The following SPECC1L variants were observed in gnomAD, a reference collection of about 807,000 sequenced individuals.
SPECC1L encodes cytospin-A.
SPECC1L carries 40 observed loss-of-function variants against 116.8 expected under a neutral mutation model. That is an observed-to-expected ratio of 0.34 (90% CI 0.27 to 0.45). SPECC1L has a LOEUF of 0.45. Ranked by LOEUF, SPECC1L falls within the 20% of genes least tolerant of loss-of-function variation. The pLI is 1.00. For missense variants in SPECC1L, 1,110 were observed against 1,373.6 expected, an observed-to-expected ratio of 0.81 and a Z score of 3.03; for synonymous variants, 504 against 500.6, an observed-to-expected ratio of 1.01 and a Z score of -0.09.
chr22:24,292,139 AG>A (rs2049167160), intron 2 of SPECC1L, among the ~76,000 whole-genome samples: 1 of 152,194 alleles, frequency 6.6e-6, no homozygotes, highest in African/African-American at 2.4e-5. Flanking sequence ...GGTGCTTCTC[AG>A]CCAGGGAACG....
chr22:24,317,330 C>T (rs2040604350), intron 4 of SPECC1L, among the ~76,000 whole-genome samples: 1 of 122,264 alleles, frequency 8.2e-6, no homozygotes, highest in Admixed American at 8.3e-5. Context: ...CCCCACCTCC[C>T]TCCCGGACGG....
At chr22:24,315,117 T>C (rs2040535417) in intron 4 of SPECC1L, among the ~76,000 whole-genome samples, 1 of 152,244 alleles carries the variant, frequency 6.6e-6, no homozygotes, top group Non-Finnish European at 1.5e-5. Flanking sequence ...TCAGATCCTT[T>C]TCTGTCATCG....
In SPECC1L at chr22:24,307,077, C is replaced by T. The variant is rs1313759091; in HGVS notation, c.153+4693C>T. Among the ~76,000 whole-genome samples, 3 of 152,146 alleles carry T rather than the reference C, an allele frequency of 2.0e-5. No homozygotes were observed. In the East Asian group the frequency reaches 5.8e-4, roughly 29 times the overall value. ...TCAGTGAACACTTGGGTTGCTTCCA[C>T]CTTTTGGCTACTGTGGATAGTGCTG... On this transcript the variant is annotated intron_variant, in intron 3 of 16. Transcript: ENST00000314328.
At chr22:24,327,939 A>G (rs1398868777) in intron 6 of SPECC1L, among the ~76,000 whole-genome samples, 1 of 152,212 alleles carries the variant, frequency 6.6e-6, no homozygotes, top group Non-Finnish European at 1.5e-5. Flanking sequence ...GCTGTAGGTA[A>G]ATCAGGGTAA....
intron 11 of SPECC1L, among the ~76,000 whole-genome samples, chr22:24,352,660 G>T (rs1055638635): frequency 6.6e-6 from 1 of 152,128 alleles, no homozygotes; most frequent in African/African-American, 2.4e-5. Flanking sequence ...ATCAGATTCT[G>T]CCTCAGCTTT....
chr22:24,291,287 T>C (rs528899104), intron 2 of SPECC1L, among the ~76,000 whole-genome samples: 1 of 152,364 alleles, frequency 6.6e-6, no homozygotes, highest in African/African-American at 2.4e-5. Context: ...TTCTGAAAGC[T>C]ACTAATCCAC....
intron 14 of SPECC1L, among the ~76,000 whole-genome samples, chr22:24,389,571 C>T (rs1034909656): frequency 9.2e-5 from 14 of 151,552 alleles, no homozygotes; most frequent in Middle Eastern, 3.4e-3. Flanking sequence ...CTACTGCAGC[C>T]AGAAGTTTCC....
rs1259524860 is a variant in SPECC1L at position 24,365,538 on chromosome 22, G to A, written c.2890G>A (p.Ala964Thr). Residue 964 changes from alanine to threonine, a missense_variant, in exon 13 of 17, where the codon GCC becomes ACC. Physicochemically the swap from Ala to Thr is moderately conservative, Grantham distance 58. Coordinates refer to ENST00000314328, the MANE Select transcript of SPECC1L (RefSeq NM_015330.6). ...TTCTGCACAGGAGGGAGCGTCGCCA[G>A]CCTCTCTGATGGCTATGGGAACCAC... ...DISAQEGASP[A>T]SLMAMGTTSP... 1 of 1,614,002 alleles carries A rather than the reference G, an allele frequency of 6.2e-7. No individual in the cohort carries two copies. Among genetic ancestry groups the A allele is most frequent in the African/African-American group, 1.3e-5 (1 of 74,902 alleles).
chr22:24,305,013 C>G (rs2049462673), intron 3 of SPECC1L, among the ~76,000 whole-genome samples: 1 of 152,160 alleles, frequency 6.6e-6, no homozygotes, highest in South Asian at 2.1e-4. Context: ...TTTAGACTTA[C>G]TGATGGGGGG....
chr22:24,363,598 G>A (rs559053424), intron 12 of SPECC1L, among the ~76,000 whole-genome samples: 1 of 152,264 alleles, frequency 6.6e-6, no homozygotes, highest in East Asian at 1.9e-4. Flanking sequence ...TTTTCTGTGT[G>A]TGTGTTCTTC....
At chr22:24,272,756 ATTG>A (rs1422816662) in intron 1 of SPECC1L, among the ~76,000 whole-genome samples, 4 of 152,066 alleles carry the variant, frequency 2.6e-5, no homozygotes, top group Non-Finnish European at 2.9e-5. Flanking sequence ...AAGGAGAAGT[ATTG>A]TTGTGGGTAA....
chr22:24,372,851 G>A (rs545782105), intron 14 of SPECC1L, among the ~76,000 whole-genome samples: 33 of 152,332 alleles, frequency 2.2e-4, no homozygotes, highest in Non-Finnish European at 4.1e-4. Flanking sequence ...GTTTGCAGAT[G>A]ACATGATTAT....
chr22:24,395,070 T>G (rs1279720298), intron 14 of SPECC1L, among the ~76,000 whole-genome samples: 1 of 152,168 alleles, frequency 6.6e-6, no homozygotes, highest in Non-Finnish European at 1.5e-5. Context: ...TCAAGTGATC[T>G]GCCTGCCTCA....
chr22:24,289,206 G>T (rs1325173436), intron 2 of SPECC1L, among the ~76,000 whole-genome samples: 2 of 152,220 alleles, frequency 1.3e-5, no homozygotes, highest in Non-Finnish European at 2.9e-5. Context: ...GGCTAAGGAG[G>T]TAGTGGCCAG....
chr22:24,389,972 AT>A lies in SPECC1L; in HGVS notation c.3087+20654del, dbSNP rs376286544. Reference sequence around the variant, plus strand: ...AAGGTGACTTTCCTAACCTAAAGAGATTGGGCCCAAAAGCACAAGTTTCTTC... The same window carrying A: ...AAGGTGACTTTCCTAACCTAAAGAGATGGGCCCAAAAGCACAAGTTTCTTC... On this transcript the variant is annotated intron_variant, in intron 14 of 16. Coordinates refer to ENST00000314328, the MANE Select transcript of SPECC1L (RefSeq NM_015330.6). 2.2e-4 allele frequency among the ~76,000 whole-genome samples: 33 copies of A among 152,076 alleles called. No individual in the cohort carries two copies. The East Asian group carries it at 6.4e-3, about 29-fold the overall frequency.
At chr22:24,290,259 T>C (rs972141392) in intron 2 of SPECC1L, among the ~76,000 whole-genome samples, 32 of 152,202 alleles carry the variant, frequency 2.1e-4, no homozygotes, top group African/African-American at 7.7e-4. Flanking sequence ...GCCATGAGGC[T>C]GTTTAAGGGG....
intron 14 of SPECC1L, among the ~76,000 whole-genome samples, chr22:24,382,807 GC>G (rs2042087226): frequency 6.6e-6 from 1 of 151,510 alleles, no homozygotes; most frequent in African/African-American, 2.4e-5. Flanking sequence ...GATTGCTTGA[GC>G]CCAGCAGTTC....
intron 2 of SPECC1L, among the ~76,000 whole-genome samples, chr22:24,288,867 G>A (rs907523626): frequency 7.9e-5 from 12 of 151,858 alleles, no homozygotes; most frequent in African/African-American, 2.7e-4. Flanking sequence ...CTTGTGATCC[G>A]CCTGCCTTGG....
Position 24,312,614 on chromosome 22 carries a change from A to G in SPECC1L, c.154-699A>G, listed in dbSNP as rs529742605. On this transcript the variant is annotated intron_variant, in intron 3 of 16. Transcript: ENST00000314328. ...GGAGAAGTAAAAACGTTTCTTCACT[A>G]CTTTTTAGAATAATAAATTTACAGC... Among the ~76,000 whole-genome samples the G allele has an allele frequency of 3.8e-4, 58 of 152,238 alleles. 3 individuals are homozygous for G. In the South Asian group the frequency reaches 0.012, roughly 30 times the overall value.
Sources: gnomAD v4.1 joint callset for allele counts (sites outside exome capture counted in the v4.1 genomes callset) on GRCh38, gnomAD v4.1.1 for gene constraint, MANE v1.5 for transcripts, NCBI Gene and HGNC (gene_info 2026-07-23, HGNC 2026-07-21) for gene names.